The following CNBD1 variants were observed in gnomAD, a reference collection of about 807,000 sequenced individuals.
CNBD1 encodes cyclic nucleotide-binding domain-containing protein 1.
In CNBD1, 71 loss-of-function variants were observed where a neutral mutation model predicts 54.4. That is an observed-to-expected ratio of 1.30 (90% CI 1.08 to 1.59). The LOEUF is 1.59. Among genes scored for constraint, CNBD1 ranks in the 40% most tolerant of loss-of-function variants. The pLI is 0.00. For missense variants in CNBD1, 659 were observed against 518.0 expected (o/e 1.27, Z -2.64); for synonymous variants, 182 against 170.7 (o/e 1.07, Z -0.51).
chr8:87,394,746 G>T (rs919837972), intron 2 of CNBD1, among the ~76,000 whole-genome samples: 1 of 151,856 alleles, frequency 6.6e-6, no homozygotes. Flanking sequence ...TTAACAAATT[G>T]TTTTAAGTTT....
At chr8:87,172,657 T>G (rs535055680) in intron 4 of CNBD1, among the ~76,000 whole-genome samples, 1 of 152,258 alleles carries the variant, frequency 6.6e-6, no homozygotes, top group South Asian at 2.1e-4. Flanking sequence ...TTTTTTGTCT[T>G]AAAATTTATT....
At chr8:87,403,859 A>G (rs2130979333) in intron 2 of CNBD1, among the ~76,000 whole-genome samples, 1 of 152,118 alleles carries the variant, frequency 6.6e-6, no homozygotes, top group African/African-American at 2.4e-5. Flanking sequence ...TCACGTAAGG[A>G]AAAATTATGA....
intron 10 of CNBD1, among the ~76,000 whole-genome samples, chr8:87,372,141 C>G (rs1466094032): frequency 6.6e-6 from 1 of 152,058 alleles, no homozygotes; most frequent in Non-Finnish European, 1.5e-5. Context: ...TCAGCCAAGT[C>G]TCAGGATACA....
chr8:87,264,730 T>A (rs1315254483), intron 6 of CNBD1, among the ~76,000 whole-genome samples: 2 of 152,300 alleles, frequency 1.3e-5, no homozygotes, highest in East Asian at 3.9e-4. Flanking sequence ...GGTTTTGATT[T>A]TCATTCCTCT....
In CNBD1 at chr8:87,060,002, A is replaced by G. The variant is rs534745437; in HGVS notation, c.431+120248A>G. 7.2e-5 allele frequency among the ~76,000 whole-genome samples: 11 copies of G among 152,354 alleles called. No individual in the cohort carries two copies. In the South Asian group the frequency reaches 2.3e-3, roughly 32 times the overall value. ...CCTTAGAAGCCTGCCCTAGGGGGAC[A>G]CAGCATCTGGACCCTCTGCCCTGGG... On this transcript the variant is annotated intron_variant, in intron 4 of 10. Coordinates refer to ENST00000518476, the MANE Select transcript of CNBD1 (RefSeq NM_173538.3).
At chr8:86,873,915 A>T (rs1426483809) in intron 1 of CNBD1, among the ~76,000 whole-genome samples, 4 of 152,192 alleles carry the variant, frequency 2.6e-5, no homozygotes, top group Non-Finnish European at 5.9e-5. Context: ...GTGTATTTTT[A>T]AAAAAACATT....
chr8:87,145,091 A>C (rs945545815), intron 4 of CNBD1, among the ~76,000 whole-genome samples: 1 of 152,144 alleles, frequency 6.6e-6, no homozygotes, highest in East Asian at 1.9e-4. Flanking sequence ...AGTAACAAAA[A>C]ATTTATAGCA....
At chr8:87,275,856 A>T (rs958876866) in intron 6 of CNBD1, among the ~76,000 whole-genome samples, 3 of 151,888 alleles carry the variant, frequency 2.0e-5, no homozygotes, top group African/African-American at 7.3e-5. Context: ...CCTTAAGCTG[A>T]TAAGCAACTT....
At chr8:87,302,309 C>T (rs191817109) in intron 8 of CNBD1, among the ~76,000 whole-genome samples, 68 of 152,276 alleles carry the variant, frequency 4.5e-4, no homozygotes, top group Admixed American at 9.2e-4. Flanking sequence ...TGGGCTTCAT[C>T]GCTGGGATGC....
At chr8:87,081,548 C>T (rs994021723) in intron 4 of CNBD1, among the ~76,000 whole-genome samples, 8 of 150,948 alleles carry the variant, frequency 5.3e-5, no homozygotes, top group African/African-American at 1.9e-4. Flanking sequence ...GCTCTGCCTC[C>T]AGGCTGGAGT....
At chr8:87,262,728 G>C (rs141898602) in intron 6 of CNBD1, among the ~76,000 whole-genome samples, 1 of 152,160 alleles carries the variant, frequency 6.6e-6, no homozygotes, top group Admixed American at 6.6e-5. Context: ...AAATTATTAT[G>C]AAAATTTACC....
intron 4 of CNBD1, among the ~76,000 whole-genome samples, chr8:87,121,340 AAG>A (rs1811884922): frequency 6.6e-6 from 1 of 151,792 alleles, no homozygotes; most frequent in African/African-American, 2.4e-5. Flanking sequence ...ATTAGGAAAT[AAG>A]AGTGTATTTA....
chr8:86,977,542 A>G (rs1181124389), intron 4 of CNBD1, among the ~76,000 whole-genome samples: 1 of 152,132 alleles, frequency 6.6e-6, no homozygotes, highest in Non-Finnish European at 1.5e-5. Flanking sequence ...CAAAGAGGAG[A>G]CATTACAACT....
intron 6 of CNBD1, among the ~76,000 whole-genome samples, chr8:87,267,276 CATAA>C (rs1808277869): frequency 6.6e-6 from 1 of 151,774 alleles, no homozygotes; most frequent in Non-Finnish European, 1.5e-5. Context: ...GGAAATGTAC[CATAA>C]ATAATTTGTA....
chr8:87,361,980 A>C (rs10095436), intron 10 of CNBD1, among the ~76,000 whole-genome samples: 86,078 of 151,740 alleles, frequency 0.57, 25,933 homozygotes, highest in African/African-American at 0.77. Flanking sequence ...GAGATGAAAC[A>C]CTTTTAATTC....
rs901386179 is a variant in CNBD1, at chr8:87,326,443, A to G, written c.1043-25242A>G. Among the ~76,000 whole-genome samples, 167 of 126,952 alleles carry G rather than the reference A, an allele frequency of 1.3e-3. 18 individuals carry two copies. Among genetic ancestry groups the G allele is most frequent in the African/African-American group, 3.9e-3 (136 of 34,950 alleles). The allele number at this position is 126,952 out of a possible 152,430, so 83.3% of individuals were successfully genotyped here. The stretch of plus-strand genomic sequence containing the variant: ...CTCCCCATCACTTTCAGGTACACCA[A>G]TCAGACATAGATTTGGTCTTTTCAC... On this transcript the variant is annotated intron_variant, in intron 8 of 10. Coordinates refer to ENST00000518476, the MANE Select transcript of CNBD1 (RefSeq NM_173538.3).
rs765700595 is a variant in CNBD1, at chr8:87,166,626, C to T, written c.432-39367C>T. Among the ~76,000 whole-genome samples, 1 of 151,948 alleles carries T rather than the reference C, an allele frequency of 6.6e-6. No homozygotes were observed. The highest frequency in any genetic ancestry group is 1.5e-5 in the Non-Finnish European group (1 of 67,916). ...CCAAAGTCCAGCCCTTCTCACAGTT[C>T]TCTGGCTCTTTCACTTTCTTGTCAG... On this transcript the variant is annotated intron_variant, in intron 4 of 10. Transcript: ENST00000518476. The surrounding 1 kb of genome is among the most constrained non-coding windows in gnomAD (Gnocchi z 4.3).
intron 6 of CNBD1, among the ~76,000 whole-genome samples, chr8:87,281,676 A>G (rs1808605354): frequency 6.7e-6 from 1 of 148,326 alleles, no homozygotes; most frequent in Non-Finnish European, 1.5e-5. Flanking sequence ...TACAAGGTAG[A>G]TTCTTAGGAG....
At chr8:87,039,840 GACTGGTTGGGTTGGAGATA>G (rs1810027255) in intron 4 of CNBD1, among the ~76,000 whole-genome samples, 1 of 152,130 alleles carries the variant, frequency 6.6e-6, no homozygotes, top group East Asian at 1.9e-4. Context: ...GGTTGGAGAT[GACTGGTTGGGTTGGAGATA>G]ACTCCCTATG....
Sources: gnomAD v4.1 joint callset for allele counts (sites outside exome capture counted in the v4.1 genomes callset) on GRCh38, gnomAD v4.1.1 for gene constraint, Gnocchi (gnomAD v3.1) non-coding constraint, MANE v1.5 for transcripts, NCBI Gene and HGNC (gene_info 2026-07-23, HGNC 2026-07-21) for gene names.